HSPG2: variants seen among roughly 807,000 people sequenced by gnomAD.
The protein encoded by HSPG2 is basement membrane-specific heparan sulfate proteoglycan core protein.
HSPG2 carries 278 observed loss-of-function variants against 526.6 expected under a neutral mutation model. The observed-to-expected ratio is 0.53, with a 90% CI of 0.48 to 0.58. The LOEUF (loss-of-function observed/expected upper bound fraction) is 0.58, where lower values mean the gene tolerates loss of function less well. Ranked by LOEUF, HSPG2 falls within the 20% of genes least tolerant of loss-of-function variation. The pLI is 0.00. For missense variants in HSPG2, 5,354 were observed against 6,099.5 expected, an observed-to-expected ratio of 0.88 and a Z score of 4.07; for synonymous variants, 2,465 against 2,555.4, an observed-to-expected ratio of 0.96 and a Z score of 1.07.
In HSPG2 at chr1:21,895,447, C is replaced by T. The variant is rs1022399682; in HGVS notation, c.244+475G>A. On this transcript the variant is annotated intron_variant, in intron 3 of 96. Coordinates refer to ENST00000374695, the MANE Select transcript of HSPG2 (RefSeq NM_005529.7). This position sits in a 1 kb window ranked among gnomAD's most constrained non-coding sequence, Gnocchi z 4.1. ...ACCCACCTTAAGGCAAGGTTCTCTCCCAAGCCTAGCGTCAGGCTCGATCTG... is the reference window on the plus strand; with the variant it reads ...ACCCACCTTAAGGCAAGGTTCTCTCTCAAGCCTAGCGTCAGGCTCGATCTG... Among the ~76,000 whole-genome samples, 2 of 152,168 alleles carry T rather than the reference C, an allele frequency of 1.3e-5. No homozygotes were observed. Among genetic ancestry groups the T allele is most frequent in the African/African-American group, 4.8e-5 (2 of 41,428 alleles).
Position 21,852,112 on chromosome 1 carries a change from C to T in HSPG2, c.6846G>A (p.Gly2282=), listed in dbSNP as rs778079813. 6.2e-7 allele frequency: 1 copy of T among 1,613,720 alleles called. No homozygotes were observed. The highest frequency in any genetic ancestry group is 8.5e-7 in the Non-Finnish European group (1 of 1,180,024). The change falls in exon 53 of 97, where the codon GGG becomes GGA. Residue 2282 remains glycine, a synonymous_variant. Coordinates refer to ENST00000374695, the MANE Select transcript of HSPG2 (RefSeq NM_005529.7). ...CCTGGTGCCGGGCAGGGAGGCTGCC[C>T]CCACGCTTGTACCATGTGACCTGGG... ...AHAQVTWYKR[G]GSLPARHQVR...
Position 21,846,232 on chromosome 1 carries a change from C to T in HSPG2, c.8340G>A (p.Leu2780=), listed in dbSNP as rs1467771380. 6.2e-7 allele frequency: 1 copy of T among 1,612,792 alleles called. No homozygotes were observed. Among genetic ancestry groups the T allele is most frequent in the Non-Finnish European group, 8.5e-7 (1 of 1,179,946 alleles). Residue 2780 remains leucine, a synonymous_variant, in exon 64 of 97, where the codon CTG becomes CTA. Coordinates refer to ENST00000374695, the MANE Select transcript of HSPG2 (RefSeq NM_005529.7). The part of the protein sequence containing the change: ...HHQTRGSRLR[L]HHVSPADSGE... ...CCGAGTCGGCCGGGGACACATGGTG[C>T]AGCCGCAGCCGTGAGCCGCGGGTCT... is the stretch of plus-strand genomic sequence containing the variant.
chr1:21,885,776 C>T (rs1370530978), intron 9 of HSPG2, among the ~76,000 whole-genome samples: 4 of 152,320 alleles, frequency 2.6e-5, no homozygotes, highest in Middle Eastern at 3.4e-3. Flanking sequence ...ATGGACAAGA[C>T]CCATGTCAAA....
In HSPG2 at chr1:21,865,408, C is replaced by CCCTT; in HGVS notation, c.4315-44_4315-43insAAGG. 6.3e-7 allele frequency: 1 copy of CCCTT among 1,584,936 alleles called. No individual in the cohort carries two copies. Among genetic ancestry groups the CCCTT allele is most frequent in the Non-Finnish European group, 8.7e-7 (1 of 1,154,202 alleles). On this transcript the variant is annotated intron_variant, in intron 34 of 96. Transcript: ENST00000374695. This position sits in a 1 kb window ranked among gnomAD's most constrained non-coding sequence, Gnocchi z 5.4. The stretch of plus-strand genomic sequence containing the variant: ...GGATTGGAAGGGGAGCCGAGGGGTC[C>CCCTT]CTGGGGTGCCAGGGTGTCCTCCACC...
At chr1:21,916,649 G>A (rs1033388254) in intron 1 of HSPG2, among the ~76,000 whole-genome samples, 5 of 148,516 alleles carry the variant, frequency 3.4e-5, no homozygotes, top group African/African-American at 4.9e-5. Context: ...CCGAGATTGC[G>A]CCATTGCACT....
rs544848326 is a variant in HSPG2 at position 21,927,163 on chromosome 1, G to T, written c.63+9992C>A. 5.3e-5 allele frequency among the ~76,000 whole-genome samples: 8 copies of T among 152,306 alleles called. No individual in the cohort carries two copies. In the South Asian group the frequency reaches 1.7e-3, roughly 32 times the overall value. On this transcript the variant is annotated intron_variant, in intron 1 of 96. Transcript: ENST00000374695. ...AGGCCACCTCTGAAGTCCTCCCCAG[G>T]CTCAGGCCCCAGCCAGGCCTCCCCT...
chr1:21,886,667 G>A (rs978230018), intron 9 of HSPG2, among the ~76,000 whole-genome samples: 1 of 152,182 alleles, frequency 6.6e-6, no homozygotes, highest in Non-Finnish European at 1.5e-5. Context: ...TGGGGAAGTG[G>A]GAGGCTGGAA....
At chr1:21,831,839 G>C in intron 81 of HSPG2, 43 bp from the exon 82 acceptor site, 1 of 1,555,418 alleles carries the variant, frequency 6.4e-7, no homozygotes, top group Non-Finnish European at 8.7e-7. Flanking sequence ...GTGGATAGGG[G>C]GTTTGTAAGA....
rs1572145942 is a variant in HSPG2, at chr1:21,829,086, A to G, written c.11993-7T>C. On this transcript the variant is annotated splice_polypyrimidine_tract_variant and splice_region_variant and intron_variant, in intron 87 of 96. Coordinates refer to ENST00000374695, the MANE Select transcript of HSPG2 (RefSeq NM_005529.7). Reference sequence around the variant, plus strand: ...CTCCGCAGAACGGCCAGCCCTGGGGAGGATGCCAGGCAGGGTTGGGCACAT... The same window carrying G: ...CTCCGCAGAACGGCCAGCCCTGGGGGGGATGCCAGGCAGGGTTGGGCACAT... 6.5e-7 allele frequency: 1 copy of G among 1,534,770 alleles called. No individual in the cohort carries two copies.
Position 21,881,509 on chromosome 1 carries a change from G to C in HSPG2, c.1655-7C>G. Reference sequence around the variant, plus strand: ...GGCATTGTCACATTCACACCTGTGGGTGGCAAGGGGGAGGCTGAGGGCTGC... The same window carrying C: ...GGCATTGTCACATTCACACCTGTGGCTGGCAAGGGGGAGGCTGAGGGCTGC... On this transcript the variant is annotated splice_region_variant and splice_polypyrimidine_tract_variant and intron_variant, in intron 13 of 96. Transcript: ENST00000374695. 1 of 1,608,692 alleles carries C rather than the reference G, an allele frequency of 6.2e-7. No individual in the cohort carries two copies.
At position 21,829,051 on chromosome 1, in the gene HSPG2, C is replaced by G. The variant is rs531754046; in HGVS notation, c.12021G>C (p.Pro4007=). The change falls in exon 88 of 97, where the codon CCG becomes CCC. Residue 4007 remains proline, a synonymous_variant. Transcript: ENST00000374695. The part of the protein sequence containing the change: ...SGLAVLRSAE[P]LALGRWHRVS... ...CACGGTGCCAGCGGCCCAGGGCCAG[C>G]GGCTCGGCGCTCCGCAGAACGGCCA... 1 of 1,545,216 alleles carries G rather than the reference C, an allele frequency of 6.5e-7. No individual in the cohort carries two copies. The highest frequency in any genetic ancestry group is 1.2e-5 in the South Asian group (1 of 84,008).
intron 30 of HSPG2, 124 bp from the exon 31 acceptor site, chr1:21,873,215 A>G: frequency 8.7e-7 from 1 of 1,148,452 alleles, no homozygotes; most frequent in Non-Finnish European, 1.3e-6. Context: ...CACTCTCACG[A>G]CAGCCCTCGG....
intron 9 of HSPG2, 61 bp from the exon 10 acceptor site, chr1:21,885,512 C>A: frequency 6.3e-7 from 1 of 1,596,774 alleles, no homozygotes; most frequent in Non-Finnish European, 8.6e-7. Context: ...TGGGCATCCC[C>A]AGGGCCACTC....
chr1:21,831,919 C>T (rs1417715291), intron 81 of HSPG2, 123 bp from the exon 82 acceptor site: 6 of 1,071,026 alleles, frequency 5.6e-6, no homozygotes, highest in East Asian at 2.5e-5. Context: ...AGTCCCAGCC[C>T]TGGGGCTGTT....
At chr1:21,908,339 A>C in intron 1 of HSPG2, 1 of 1,049,660 alleles carries the variant, frequency 9.5e-7, no homozygotes, top group Non-Finnish European at 1.5e-6. Flanking sequence ...AAACAAGTTA[A>C]GGGCAAGATT....
At position 21,824,612 on chromosome 1, in the gene HSPG2, C is replaced by G. The variant is rs750748476; in HGVS notation, c.12669G>C (p.Leu4223=). ...GCTCGATGGTCTCGGGCACCTCGGG[C>G]AGGCTGCGGAGGAAGAGCGGGTGAG... The part of the protein sequence containing the change: ...AFPGHVFSRS[L]PEVPETIELE... Residue 4223 remains leucine, a synonymous_variant, in exon 93 of 97, where the codon CTG becomes CTC. Transcript: ENST00000374695. The surrounding 1 kb of genome is among the most constrained non-coding windows in gnomAD (Gnocchi z 5.9). 2.6e-5 allele frequency: 42 copies of G among 1,613,972 alleles called. No individual in the cohort carries two copies. The South Asian group carries it at 4.6e-4, about 18-fold the overall frequency.
At chr1:21,925,767 T>C (rs563606983) in intron 1 of HSPG2, among the ~76,000 whole-genome samples, 1 of 152,230 alleles carries the variant, frequency 6.6e-6, no homozygotes, top group African/African-American at 2.4e-5. Context: ...CAGGACCCAC[T>C]GAGGAAAACA....
chr1:21,831,267 A>G lies in HSPG2; in HGVS notation c.11510T>C (p.Leu3837Pro), dbSNP rs2098002579. The change falls in exon 84 of 97, where the codon CTC becomes CCC. Residue 3837 changes from leucine to proline, a missense_variant. Transcript: ENST00000374695. ...GEEIVFHDLN[L>P]TAHGISHCPT... ...GCAGTGGGAGATGCCGTGCGCCGTG[A>G]GGTTGAGGTCATGGAAGACGATCTC... 2 of 1,613,850 alleles carry G rather than the reference A, an allele frequency of 1.2e-6. No individual in the cohort carries two copies. The highest frequency in any genetic ancestry group is 2.7e-5 in the African/African-American group (2 of 74,872).
In HSPG2 at chr1:21,838,881, C is replaced by A; in HGVS notation, c.10094G>T (p.Cys3365Phe). The change falls in exon 74 of 97, where the codon TGC (cysteine) becomes TTC (phenylalanine). Residue 3365 changes from cysteine (C) to phenylalanine (F), a missense_variant. Coordinates refer to ENST00000374695, the MANE Select transcript of HSPG2 (RefSeq NM_005529.7). ...TGAGCCCACCTTGTTGGTGACCCGG[C>A]AGCGGTAGCGGCCTGAGTCCTCAGG... ...AAPEDSGRYR[C>F]RVTNKVGSAE... 6.2e-7 allele frequency: 1 copy of A among 1,612,698 alleles called. No homozygotes were observed. The highest frequency in any genetic ancestry group is 8.5e-7 in the Non-Finnish European group (1 of 1,179,664).
Sources: gnomAD v4.1 joint callset for allele counts (sites outside exome capture counted in the v4.1 genomes callset) on GRCh38, gnomAD v4.1.1 for gene constraint, Gnocchi (gnomAD v3.1) non-coding constraint, MANE v1.5 for transcripts, NCBI Gene and HGNC (gene_info 2026-07-23, HGNC 2026-07-21) for gene names.